The following CHN2 variants were observed in gnomAD, a reference collection of about 807,000 sequenced individuals.
The protein encoded by CHN2 is beta-chimaerin.
CHN2 carries 35 observed loss-of-function variants against 56.3 expected under a neutral mutation model. The ratio of observed to expected loss-of-function variants is 0.62; its 90% CI spans 0.47 to 0.82. The LOEUF is 0.82. Ranked by LOEUF, CHN2 falls within the 40% of genes least tolerant of loss-of-function variation. CHN2 has a pLI of 0.00. For missense variants in CHN2, 491 were observed against 580.5 expected (o/e 0.85, Z 1.58); for synonymous variants, 210 against 212.8 (o/e 0.99, Z 0.12).
At chr7:29,298,596 C>G (rs1362454237) in intron 1 of CHN2, among the ~76,000 whole-genome samples, 1 of 152,108 alleles carries the variant, frequency 6.6e-6, no homozygotes, top group Non-Finnish European at 1.5e-5. Context: ...AAAAAGGAAA[C>G]CTCCGAGTAA....
Position 29,235,375 on chromosome 7 carries a change from C to CA in CHN2, c.49+40392dup, listed in dbSNP as rs775420416. On this transcript the variant is annotated intron_variant, in intron 1 of 12. Transcript: ENST00000222792. ...GTCAGAATGGCTGTTATTAAAAAGTCAAAAAAACGAGATGCTTGTGAGGTA... is the reference window on the plus strand; with the variant it reads ...GTCAGAATGGCTGTTATTAAAAAGTCAAAAAAAACGAGATGCTTGTGAGGTA... Among the ~76,000 whole-genome samples, 4 of 151,970 alleles carry CA rather than the reference C, an allele frequency of 2.6e-5. No individual in the cohort carries two copies. In the South Asian group the frequency reaches 6.2e-4, roughly 24 times the overall value.
chr7:29,318,083 T>C (rs1795084731), intron 1 of CHN2, among the ~76,000 whole-genome samples: 1 of 152,184 alleles, frequency 6.6e-6, no homozygotes, highest in Non-Finnish European at 1.5e-5. Context: ...CCTGGGTCCA[T>C]GAGTGTTGCT....
At chr7:29,442,028 C>T (rs772998737) in intron 6 of CHN2, among the ~76,000 whole-genome samples, 2 of 152,110 alleles carry the variant, frequency 1.3e-5, no homozygotes, top group Non-Finnish European at 2.9e-5. Context: ...AGAAACCTGC[C>T]AAATGTCCAT....
chr7:29,398,066 G>T (rs533453168), intron 4 of CHN2: 3 of 229,064 alleles, frequency 1.3e-5, no homozygotes, highest in African/African-American at 2.3e-5. Context: ...AAAGGGGGGG[G>T]GGGGGCGGTG....
At chr7:29,423,100 A>T (rs1320526574) in intron 6 of CHN2, among the ~76,000 whole-genome samples, 3 of 152,244 alleles carry the variant, frequency 2.0e-5, no homozygotes, top group East Asian at 3.8e-4. Context: ...TTTCAACTGA[A>T]TTAGGAACAC....
At chr7:29,208,897 A>G (rs1284909178) in intron 1 of CHN2, 1 of 152,110 alleles carries the variant, frequency 6.6e-6, no homozygotes, top group Non-Finnish European at 1.5e-5. Context: ...CCTCAGCCTC[A>G]CTGTCTTTAC....
At chr7:29,362,283 T>A (rs139545313) in intron 2 of CHN2, among the ~76,000 whole-genome samples, 1 of 152,300 alleles carries the variant, frequency 6.6e-6, no homozygotes, top group East Asian at 1.9e-4. Flanking sequence ...CTGTGTGACC[T>A]TGAGCATCTT....
intron 1 of CHN2, among the ~76,000 whole-genome samples, chr7:29,331,175 G>A (rs1446991976): frequency 1.3e-5 from 2 of 152,236 alleles, no homozygotes. Context: ...TCTAGGGGGT[G>A]ACGGAGGACA....
chr7:29,403,074 G>C (rs1348965952), intron 6 of CHN2, among the ~76,000 whole-genome samples: 1 of 152,114 alleles, frequency 6.6e-6, no homozygotes, highest in Non-Finnish European at 1.5e-5. Flanking sequence ...ATGATGTGAT[G>C]TTTGGTTGTC....
chr7:29,397,092 C>A (rs1386862621), intron 4 of CHN2: 2 of 152,198 alleles, frequency 1.3e-5, no homozygotes, highest in African/African-American at 4.8e-5. Context: ...ATTTGGGAAG[C>A]CAGAAAGCCT....
chr7:29,198,794 G>T (rs1375525139), intron 1 of CHN2, among the ~76,000 whole-genome samples: 3 of 152,062 alleles, frequency 2.0e-5, no homozygotes, highest in African/African-American at 7.2e-5. Context: ...TTGCCAAATG[G>T]ATAATTTCAC....
At chr7:29,298,816 CAAAT>C (rs1407899020) in intron 1 of CHN2, among the ~76,000 whole-genome samples, 1 of 152,060 alleles carries the variant, frequency 6.6e-6, no homozygotes, top group Non-Finnish European at 1.5e-5. Context: ...AATTTAATGA[CAAAT>C]GTATGATAAG....
upstream of CHN2, chr7:29,193,688 C>T (rs527346456): frequency 1.3e-5 from 2 of 152,332 alleles, no homozygotes; most frequent in Admixed American, 6.5e-5. Flanking sequence ...AAGGGACACA[C>T]CTTGTGCTCG....
intron 1 of CHN2, among the ~76,000 whole-genome samples, chr7:29,228,155 T>TACAC (rs1330873971): frequency 1.3e-5 from 2 of 149,962 alleles, no homozygotes; most frequent in African/African-American, 5.0e-5. Context: ...AATATATATA[T>TACAC]ATATACACAC....
chr7:29,152,827 C>T (rs1044413744), intron 2 of CHN2, among the ~76,000 whole-genome samples: 4 of 152,190 alleles, frequency 2.6e-5, no homozygotes, highest in Admixed American at 6.5e-5. Flanking sequence ...AAAATACACT[C>T]GATCCTTGTT....
At chr7:29,495,709 C>T (rs1990593) in intron 7 of CHN2, among the ~76,000 whole-genome samples, 24,217 of 152,186 alleles carry the variant, frequency 0.16, 2,079 homozygotes, top group Admixed American at 0.19. Flanking sequence ...TAGCTGATGG[C>T]ATGGCCTATA....
At chr7:29,329,739 G>A (rs1195151023) in intron 1 of CHN2, among the ~76,000 whole-genome samples, 10 of 152,274 alleles carry the variant, frequency 6.6e-5, no homozygotes, top group Middle Eastern at 3.4e-3. Context: ...ATCCTAAAGC[G>A]TTTTAATATT....
chr7:29,337,967 C>A (rs1164155407), intron 1 of CHN2, among the ~76,000 whole-genome samples: 6 of 152,146 alleles, frequency 3.9e-5, no homozygotes, highest in African/African-American at 1.4e-4. Flanking sequence ...CTGGAGGCTC[C>A]CAGTCTCAGG....
chr7:29,350,170 A>C (rs1008978727), intron 1 of CHN2, among the ~76,000 whole-genome samples: 5 of 152,352 alleles, frequency 3.3e-5, no homozygotes, highest in Non-Finnish European at 7.3e-5. Context: ...TCTAGAAGAC[A>C]AAGCTCTCAC....
Sources: gnomAD v4.1 joint callset for allele counts (sites outside exome capture counted in the v4.1 genomes callset) on GRCh38, gnomAD v4.1.1 for gene constraint, MANE v1.5 for transcripts, NCBI Gene and HGNC (gene_info 2026-07-23, HGNC 2026-07-21) for gene names.